KDM4B: variants seen among roughly 807,000 people sequenced by gnomAD.
The protein encoded by KDM4B is lysine-specific demethylase 4B.
A neutral mutation model predicts 125.2 loss-of-function variants in KDM4B; 32 were observed. That is an observed-to-expected ratio of 0.26 (90% CI 0.19 to 0.34). The LOEUF is 0.34. KDM4B is among the 10% of genes least tolerant of loss of function. The pLI is 1.00. For missense variants in KDM4B, 1,190 were observed against 1,577.7 expected (o/e 0.75, Z 4.16); for synonymous variants, 721 against 677.9 (o/e 1.06, Z -0.99).
intron 2 of KDM4B, among the ~76,000 whole-genome samples, chr19:5,029,256 G>C (rs2036375995): frequency 6.6e-6 from 1 of 152,232 alleles, no homozygotes; most frequent in Non-Finnish European, 1.5e-5. Flanking sequence ...CCTCTGAGTT[G>C]AGAGCCCCAT....
At chr19:4,981,950 A>AC (rs148362260) in intron 1 of KDM4B, among the ~76,000 whole-genome samples, 1,705 of 152,316 alleles carry the variant, frequency 0.011, 13 homozygotes, top group Non-Finnish European at 0.019. Context: ...CCAGAAGCCA[A>AC]CCCCACATGT....
At chr19:5,147,742 CAA>C (rs35330966) in intron 21 of KDM4B, among the ~76,000 whole-genome samples, 17 of 80,924 alleles carry the variant, frequency 2.1e-4, no homozygotes, top group Admixed American at 5.3e-4. Context: ...AGCCCTGTCT[CAA>C]AAAAAAAAAA....
chr19:5,026,037 C>T (rs2036267535), intron 2 of KDM4B, among the ~76,000 whole-genome samples: 1 of 151,890 alleles, frequency 6.6e-6, no homozygotes, highest in African/African-American at 2.4e-5. Flanking sequence ...CGCATGCCAC[C>T]ACACCCAGCT....
At chr19:5,022,572 C>A (rs940300061) in intron 2 of KDM4B, among the ~76,000 whole-genome samples, 1 of 152,168 alleles carries the variant, frequency 6.6e-6, no homozygotes, top group Admixed American at 6.5e-5. Context: ...GCAACTGGAG[C>A]CCACTTCCAC....
chr19:5,095,321 A>G (rs980264356), intron 9 of KDM4B, among the ~76,000 whole-genome samples: 1 of 152,210 alleles, frequency 6.6e-6, no homozygotes, highest in East Asian at 1.9e-4. Flanking sequence ...CGGACCACAT[A>G]TAATCATTTT....
chr19:5,147,858 C>T (rs1466366995), intron 21 of KDM4B, among the ~76,000 whole-genome samples: 4 of 152,168 alleles, frequency 2.6e-5, no homozygotes, highest in African/African-American at 9.7e-5. Flanking sequence ...GAGTGCGCGC[C>T]TGCCTGCGAG....
chr19:4,976,396 G>A (rs993945186), intron 1 of KDM4B, among the ~76,000 whole-genome samples: 2 of 152,142 alleles, frequency 1.3e-5, no homozygotes, highest in East Asian at 1.9e-4. Flanking sequence ...TGGGGGGAAC[G>A]CTTCGCTGTT....
At chr19:5,072,884 G>A (rs1300922664) in intron 7 of KDM4B, among the ~76,000 whole-genome samples, 2 of 152,032 alleles carry the variant, frequency 1.3e-5, no homozygotes, top group Non-Finnish European at 2.9e-5. Flanking sequence ...GCATTCCTTG[G>A]CTCGGTCCCA....
At chr19:5,102,891 C>G (rs1342324127) in intron 9 of KDM4B, among the ~76,000 whole-genome samples, 1 of 152,218 alleles carries the variant, frequency 6.6e-6, no homozygotes, top group African/African-American at 2.4e-5. Context: ...ATAAGATCTC[C>G]AGGTTTTATT....
chr19:4,995,424 A>G (rs1051529496), intron 1 of KDM4B, among the ~76,000 whole-genome samples: 2 of 151,760 alleles, frequency 1.3e-5, no homozygotes, highest in Non-Finnish European at 2.9e-5. Flanking sequence ...GATTACAGGC[A>G]CCCGCCACCA....
At chr19:4,996,982 C>G (rs1404557571) in intron 1 of KDM4B, among the ~76,000 whole-genome samples, 1 of 151,844 alleles carries the variant, frequency 6.6e-6, no homozygotes, top group Admixed American at 6.6e-5. Flanking sequence ...CCCCAGACCT[C>G]CCAGTGTTCC....
intron 1 of KDM4B, among the ~76,000 whole-genome samples, chr19:5,014,863 C>T (rs140073008): frequency 0.042 from 6,388 of 151,910 alleles, 454 homozygotes; most frequent in African/African-American, 0.15. Flanking sequence ...GGCATGGTGG[C>T]GGGCGCCTGT....
Position 5,035,880 on chromosome 19 carries a change from T to TGTGTGTGTGTGTGTGTGTGTGTGTGC in KDM4B, c.141+2850_141+2851insTGTGTGTGTGTGTGTGTGTGTGTGCG, listed in dbSNP as rs58219404. On this transcript the variant is annotated intron_variant, in intron 3 of 22. Transcript: ENST00000159111. The surrounding 1 kb of genome is among the most constrained non-coding windows in gnomAD (Gnocchi z 5.3). Reference sequence around the variant, plus strand: ...ACGTGTCTCTGTGTGTGTGTGTGTGTGCGCGCGCGCGCGCGCCTGCGCGCA... The same window carrying TGTGTGTGTGTGTGTGTGTGTGTGTGC: ...ACGTGTCTCTGTGTGTGTGTGTGTGTGTGTGTGTGTGTGTGTGTGTGTGTGCGCGCGCGCGCGCGCGCCTGCGCGCA... Among the ~76,000 whole-genome samples the TGTGTGTGTGTGTGTGTGTGTGTGTGC allele has an allele frequency of 1.7e-3, 236 of 136,472 alleles. 1 individual carries two copies. Among genetic ancestry groups the TGTGTGTGTGTGTGTGTGTGTGTGTGC allele is most frequent in the African/African-American group, 5.9e-3 (225 of 37,872 alleles). 89.5% of individuals were successfully genotyped at this position (136,472 alleles called of 152,430 possible). A position where few individuals can be genotyped will look rare whatever the true frequency, so the allele number is the denominator to read the frequency against.
At chr19:5,139,635 C>T (rs73919751) in intron 18 of KDM4B, among the ~76,000 whole-genome samples, 4,933 of 152,236 alleles carry the variant, frequency 0.032, 279 homozygotes, top group African/African-American at 0.11. Context: ...GAGGTGGTCT[C>T]GCTATGGTTT....
rs911920222 is a variant in KDM4B, at chr19:5,115,985, C to T, written c.1116-3668C>T. ...TTGCATTTCCAGGTTAAAAAGTCCA[C>T]CAGAAAGTCCGCCCAAGAATGGAAA... is the stretch of plus-strand genomic sequence containing the variant. On this transcript the variant is annotated intron_variant, in intron 10 of 22. Transcript: ENST00000159111. This position sits in a 1 kb window ranked among gnomAD's most constrained non-coding sequence, Gnocchi z 4.2. 6.6e-6 allele frequency among the ~76,000 whole-genome samples: 1 copy of T among 152,132 alleles called. No homozygotes were observed. The highest frequency in any genetic ancestry group is 1.5e-5 in the Non-Finnish European group (1 of 68,020).
chr19:5,094,446 G>A (rs938918672), intron 9 of KDM4B, among the ~76,000 whole-genome samples: 3 of 152,230 alleles, frequency 2.0e-5, no homozygotes, highest in Non-Finnish European at 4.4e-5. Context: ...GGAGGCACTG[G>A]GCATTTCAGC....
rs748062725 is a variant in KDM4B at position 5,077,480 on chromosome 19, G to T, written c.780+10G>T. Reference sequence around the variant, plus strand: ...GATCCCCTTCAGCCGGGTGCGTACGGGTGGGGCCTGCACGCCTGTGGGTGA... The same window carrying T: ...GATCCCCTTCAGCCGGGTGCGTACGTGTGGGGCCTGCACGCCTGTGGGTGA... On this transcript the variant is annotated intron_variant, in intron 8 of 22. Transcript: ENST00000159111. The T allele has an allele frequency of 1.2e-6, 2 of 1,611,110 alleles. No individual in the cohort carries two copies. The highest frequency in any genetic ancestry group is 1.7e-6 in the Non-Finnish European group (2 of 1,178,060).
At chr19:5,149,406 C>T (rs571135093) in intron 21 of KDM4B, among the ~76,000 whole-genome samples, 23 of 152,356 alleles carry the variant, frequency 1.5e-4, no homozygotes, top group African/African-American at 2.4e-4. Flanking sequence ...TTAGAGCTCA[C>T]TACAGCCTCC....
At chr19:5,128,313 C>T (rs1165709990) in intron 11 of KDM4B, among the ~76,000 whole-genome samples, 3 of 152,188 alleles carry the variant, frequency 2.0e-5, no homozygotes, top group East Asian at 3.9e-4. Flanking sequence ...AGGCTGTGTC[C>T]TGGCATCTTC....
Sources: allele counts gnomAD v4.1 joint callset (sites outside exome capture counted in the v4.1 genomes callset), GRCh38; gene constraint gnomAD v4.1.1; non-coding constraint Gnocchi (gnomAD v3.1); transcripts MANE v1.5; gene names NCBI Gene and HGNC (gene_info 2026-07-23, HGNC 2026-07-21).